CCDC18: variants seen among roughly 807,000 people sequenced by gnomAD.
The protein encoded by CCDC18 is coiled-coil domain containing 18, also known as coiled-coil domain-containing protein 18.
A neutral mutation model predicts 196.0 loss-of-function variants in CCDC18; 157 were observed. That is an observed-to-expected ratio of 0.80 (90% confidence interval 0.70 to 0.91). CCDC18 has a LOEUF of 0.91. Among genes scored for constraint, CCDC18 ranks in the 40% least tolerant of loss-of-function variants. The pLI, the probability that CCDC18 is intolerant of heterozygous loss-of-function variation, is 0.00. For synonymous variants in CCDC18, 482 were observed against 529.2 expected (o/e 0.91, Z 1.22); for missense variants, 1,465 against 1,611.6 (o/e 0.91, Z 1.56).
At chr1:93,258,104 AATT>A (rs1359879070) in intron 25 of CCDC18, among the ~76,000 whole-genome samples, 1 of 149,100 alleles carries the variant, frequency 6.7e-6, no homozygotes, top group Admixed American at 6.8e-5. Context: ...AATTAATAAA[AATT>A]AATTAATAAT....
At chr1:93,273,101 C>T (rs2101571302) in intron 28 of CCDC18, among the ~76,000 whole-genome samples, 1 of 151,732 alleles carries the variant, frequency 6.6e-6, no homozygotes, top group South Asian at 2.1e-4. Flanking sequence ...CGGAGTCTGG[C>T]TGTGTTGCCC....
intron 23 of CCDC18, among the ~76,000 whole-genome samples, chr1:93,250,378 CAAAAAAAAA>C (rs71094242): frequency 1.1e-5 from 1 of 89,434 alleles, no homozygotes; most frequent in Non-Finnish European, 2.4e-5. Context: ...GAGACCCTGT[CAAAAAAAAA>C]AAAAAAAAAA....
At chr1:93,270,081 A>G (rs570559948) in intron 27 of CCDC18, among the ~76,000 whole-genome samples, 2 of 152,310 alleles carry the variant, frequency 1.3e-5, no homozygotes, top group African/African-American at 4.8e-5. Context: ...ATTGTCATTA[A>G]CACCAAAAAT....
intron 13 of CCDC18, 108 bp from the exon 14 acceptor site, chr1:93,217,630 G>A: frequency 1.2e-6 from 1 of 846,106 alleles, no homozygotes; most frequent in African/African-American, 1.7e-5. Flanking sequence ...ATAGAGACGG[G>A]GTCTTGCCGT....
At chr1:93,231,821 C>G (rs1659283655) in intron 17 of CCDC18, among the ~76,000 whole-genome samples, 1 of 152,030 alleles carries the variant, frequency 6.6e-6, no homozygotes, top group Admixed American at 6.6e-5. Context: ...ATTATATAAA[C>G]AACAGCAATA....
intron 18 of CCDC18, among the ~76,000 whole-genome samples, chr1:93,234,763 G>A (rs1287752091): frequency 7.8e-6 from 1 of 128,024 alleles, no homozygotes; most frequent in African/African-American, 3.1e-5. Context: ...AGGTGGAGGG[G>A]TGGATATTAA....
At chr1:93,267,161 A>C (rs374261976) in intron 27 of CCDC18, among the ~76,000 whole-genome samples, 34 of 152,344 alleles carry the variant, frequency 2.2e-4, no homozygotes, top group African/African-American at 7.9e-4. Context: ...AATAAATGTA[A>C]TCCATCACAT....
intron 28 of CCDC18, among the ~76,000 whole-genome samples, chr1:93,275,098 T>G (rs1306938792): frequency 6.6e-6 from 1 of 152,092 alleles, no homozygotes; most frequent in Non-Finnish European, 1.5e-5. Flanking sequence ...CTCTGTAAAA[T>G]TTAATGAAAG....
Position 93,207,174 on chromosome 1 carries a change from G to C in CCDC18, c.985G>C (p.Val329Leu). 1 of 1,607,848 alleles carries C rather than the reference G, an allele frequency of 6.2e-7. No homozygotes were observed. Among genetic ancestry groups the C allele is most frequent in the Non-Finnish European group, 8.5e-7 (1 of 1,174,938 alleles). The change falls in exon 9 of 29, where the codon GTC (valine) becomes CTC (leucine). Residue 329 changes from valine to leucine, a missense_variant. Coordinates refer to ENST00000690025, the MANE Select transcript of CCDC18 (RefSeq NM_001378204.1). ...GATCATGGCAGTGAAAAATTCAGAAGTCATGGCACAACTAACTGAATCTAG... is the reference window on the plus strand; with the variant it reads ...GATCATGGCAGTGAAAAATTCAGAACTCATGGCACAACTAACTGAATCTAG... ...LRIMAVKNSE[V>L]MAQLTESRQS...
intron 26 of CCDC18, among the ~76,000 whole-genome samples, chr1:93,260,510 C>G (rs1191310421): frequency 6.6e-6 from 1 of 151,788 alleles, no homozygotes; most frequent in Non-Finnish European, 1.5e-5. Flanking sequence ...TAAAAATTTA[C>G]TTTTAAAATA....
rs1004819752 is a variant in CCDC18 at position 93,205,607 on chromosome 1, T to A, written c.893T>A (p.Leu298His). 3.1e-6 allele frequency: 5 copies of A among 1,594,098 alleles called. No homozygotes were observed. Among genetic ancestry groups the A allele is most frequent in the Non-Finnish European group, 4.3e-6 (5 of 1,172,286 alleles). The change falls in exon 8 of 29, where the codon CTT (leucine) becomes CAT (histidine). Residue 298 changes from leucine to histidine, a missense_variant. By Grantham distance (99) the Leu-to-His change is moderately conservative (BLOSUM62 -3). Transcript: ENST00000690025. ...AGGTGTGGTCTATATAAAAGTGAAC[T>A]TGAAATTCTGAAAGAGAAATTAAGG... is the stretch of plus-strand genomic sequence containing the variant. ...QERCGLYKSE[L>H]EILKEKLRQL...
intron 9 of CCDC18, 64 bp from the exon 10 acceptor site, chr1:93,210,738 T>G: frequency 7.8e-7 from 1 of 1,279,418 alleles, no homozygotes; most frequent in Non-Finnish European, 1.1e-6. Flanking sequence ...TTTGAAGTTC[T>G]GAATAAAAAA....
intron 28 of CCDC18, chr1:93,271,480 A>C: frequency 1.0e-6 from 1 of 985,240 alleles, no homozygotes. Context: ...TTCCTGATTT[A>C]ATCTGTATCT....
In CCDC18 at chr1:93,278,625, AACTT is replaced by A. The variant is rs1331025504; in HGVS notation, c.*150_*153del. The A allele has an allele frequency of 1.0e-4, 37 of 364,126 alleles. No homozygotes were observed. The highest frequency in any genetic ancestry group is 7.6e-4 in the African/African-American group (36 of 47,204). The allele number at this position is 364,126 out of a possible 1,614,324, so 22.6% of individuals were successfully genotyped here. The stretch of plus-strand genomic sequence containing the variant: ...ATATTTTAAAAGAAAGCCCTTCTAA[AACTT>A]AATTATATTTTTAAAGAAAATTTAT... On this transcript the variant is annotated 3_prime_UTR_variant, in exon 29 of 29. Transcript: ENST00000690025.
At chr1:93,190,735 A>C in intron 4 of CCDC18, 1 of 509,822 alleles carries the variant, frequency 2.0e-6, no homozygotes. Flanking sequence ...AACAAAAGAT[A>C]ACACTTAGAA....
intron 6 of CCDC18, among the ~76,000 whole-genome samples, chr1:93,200,707 A>T (rs923732467): frequency 1.1e-4 from 16 of 152,230 alleles, no homozygotes; most frequent in African/African-American, 3.9e-4. Context: ...AAGAGTGAAG[A>T]TTCATTAAAA....
chr1:93,237,634 G>C (rs1660239552), intron 19 of CCDC18, among the ~76,000 whole-genome samples: 1 of 152,118 alleles, frequency 6.6e-6, no homozygotes, highest in African/African-American at 2.4e-5. Context: ...CAGGGTCCAG[G>C]CAAGGTGTGA....
intron 9 of CCDC18, among the ~76,000 whole-genome samples, 166 bp from the exon 10 acceptor site, chr1:93,210,636 T>C (rs921226228): frequency 6.6e-6 from 1 of 152,122 alleles, no homozygotes; most frequent in Non-Finnish European, 1.5e-5. Flanking sequence ...TATTGTAGTT[T>C]TCCAATTATC....
chr1:93,189,966 A>G (rs2101604065), intron 4 of CCDC18, among the ~76,000 whole-genome samples: 1 of 152,154 alleles, frequency 6.6e-6, no homozygotes, highest in Admixed American at 6.5e-5. Context: ...TGGCCCTGTG[A>G]TTTTTATTTA....
Sources: allele counts gnomAD v4.1 joint callset (sites outside exome capture counted in the v4.1 genomes callset), GRCh38; gene constraint gnomAD v4.1.1; transcripts MANE v1.5; gene names NCBI Gene and HGNC (gene_info 2026-07-23, HGNC 2026-07-21).